Variants in ABCA10 observed in about 807,000 individuals in gnomAD.
The protein encoded by ABCA10 is ATP-binding cassette sub-family A member 10.
ABCA10 carries 169 observed loss-of-function variants against 187.5 expected under a neutral mutation model. That is an observed-to-expected ratio of 0.90 (90% CI 0.80 to 1.02). The LOEUF is 1.02. Among genes scored for constraint, ABCA10 ranks in the 50% least tolerant of loss-of-function variants. ABCA10 has a pLI of 0.00. For missense variants in ABCA10, 1,727 were observed against 1,812.4 expected (o/e 0.95, Z 0.86); for synonymous variants, 574 against 601.8 (o/e 0.95, Z 0.68).
intron 10 of ABCA10, among the ~76,000 whole-genome samples, chr17:69,199,931 C>T (rs1229325452): frequency 6.6e-6 from 1 of 152,156 alleles, no homozygotes; most frequent in Non-Finnish European, 1.5e-5. Flanking sequence ...TAAAAGTTTT[C>T]ATGCAGGAGA....
chr17:69,162,968 G>A (rs2074229463), intron 27 of ABCA10, among the ~76,000 whole-genome samples: 1 of 151,840 alleles, frequency 6.6e-6, no homozygotes, highest in Admixed American at 6.6e-5. Context: ...CTCCCGAGTA[G>A]CTGGAATTAC....
Position 69,219,741 on chromosome 17 carries a change from A to T in ABCA10, c.334T>A (p.Leu112Met). 1 of 1,604,768 alleles carries T rather than the reference A, an allele frequency of 6.2e-7. No homozygotes were observed. The highest frequency in any genetic ancestry group is 2.2e-5 in the East Asian group (1 of 44,668). The stretch of plus-strand genomic sequence containing the variant: ...ATATTTATTCCAATAACTGATGTCA[A>T]CTCCTCCATTACAGAATGATTTGTT... Reference protein sequence around the residue: ...VTTNHSVMEELTSVIGINMKI... With the variant: ...VTTNHSVMEEMTSVIGINMKI... Residue 112 changes from leucine (L) to methionine (M), a missense_variant, in exon 6 of 39, where the codon TTG becomes ATG. By Grantham distance (15) the Leu-to-Met change is conservative (BLOSUM62 2). Transcript: ENST00000690296.
intron 12 of ABCA10, 134 bp downstream of exon 12, chr17:69,194,251 A>G: frequency 1.3e-6 from 1 of 785,672 alleles, no homozygotes. Context: ...TTATGTGCAT[A>G]TGAAATCAAT....
chr17:69,187,149 T>A (rs1225377792), intron 19 of ABCA10, among the ~76,000 whole-genome samples: 1 of 151,990 alleles, frequency 6.6e-6, no homozygotes, highest in Non-Finnish European at 1.5e-5. Context: ...CCTCAGCTTG[T>A]AAGATAATAA....
At chr17:69,244,216 T>C in intron 1 of ABCA10, 1 of 152,252 alleles carries the variant, frequency 6.6e-6, no homozygotes, top group Non-Finnish European at 1.5e-5. Context: ...CTAGTTTATG[T>C]TTAAAATCTG....
At chr17:69,183,287 T>C (rs2074394229) in intron 20 of ABCA10, among the ~76,000 whole-genome samples, 1 of 152,196 alleles carries the variant, frequency 6.6e-6, no homozygotes, top group Non-Finnish European at 1.5e-5. Flanking sequence ...AACATCTTTA[T>C]GGAATTAAGT....
At chr17:69,165,227 T>C in intron 25 of ABCA10, 144 bp from the exon 26 acceptor site, 1 of 704,262 alleles carries the variant, frequency 1.4e-6, no homozygotes, top group East Asian at 2.8e-5. Flanking sequence ...GGATATCCTC[T>C]TTAGGAAGTC....
intron 9 of ABCA10, 97 bp from the exon 10 acceptor site, chr17:69,201,765 T>C: frequency 1.9e-6 from 2 of 1,040,532 alleles, no homozygotes; most frequent in Non-Finnish European, 2.6e-6. Flanking sequence ...TGAACTTAAG[T>C]TATTTATCTT....
intron 1 of ABCA10, chr17:69,234,383 T>G (rs2074850930): frequency 6.6e-6 from 1 of 152,272 alleles, no homozygotes; most frequent in Non-Finnish European, 1.5e-5. Flanking sequence ...GAGGCACTAG[T>G]GTACATGATT....
intron 5 of ABCA10, among the ~76,000 whole-genome samples, chr17:69,220,083 G>A (rs28611344): frequency 6.6e-6 from 1 of 152,122 alleles, no homozygotes; most frequent in Admixed American, 6.5e-5. Context: ...GAAGAAAGGA[G>A]AGATATTAAA....
At chr17:69,182,858 A>C in intron 20 of ABCA10, 50 bp from the exon 21 acceptor site, 1 of 1,534,052 alleles carries the variant, frequency 6.5e-7, no homozygotes, top group Non-Finnish European at 8.8e-7. Context: ...AAAGCAAGAA[A>C]ATCAAAGTCA....
chr17:69,182,294 GA>G lies in ABCA10; in HGVS notation c.2632-5del, dbSNP rs34361870. ...ACGCAACAGAAAATCTGTAATCCTT[GA>G]AAAAAAGTACACAAATATAAGTTAT... On this transcript the variant is annotated splice_polypyrimidine_tract_variant and splice_region_variant and intron_variant, in intron 21 of 38. Transcript: ENST00000690296. The G allele has an allele frequency of 2.7e-6, 4 of 1,504,094 alleles. No homozygotes were observed. Among genetic ancestry groups the G allele is most frequent in the South Asian group, 1.4e-5 (1 of 72,846 alleles). 93.2% of individuals were successfully genotyped at this position (1,504,094 alleles called of 1,614,324 possible).
intron 12 of ABCA10, 52 bp from the exon 13 acceptor site, chr17:69,194,041 G>C: frequency 6.9e-7 from 1 of 1,458,892 alleles, no homozygotes; most frequent in Non-Finnish European, 9.3e-7. Context: ...ATTCTATGCA[G>C]AGTGATAATA....
chr17:69,200,843 G>A (rs2074538365), intron 10 of ABCA10, among the ~76,000 whole-genome samples: 1 of 152,176 alleles, frequency 6.6e-6, no homozygotes, highest in African/African-American at 2.4e-5. Context: ...CTCCCCAGTA[G>A]CTGGGACTAC....
In ABCA10 at chr17:69,190,360, G is replaced by A; in HGVS notation, c.2129C>T (p.Pro710Leu). 1 of 1,540,156 alleles carries A rather than the reference G, an allele frequency of 6.5e-7. No individual in the cohort carries two copies. The highest frequency in any genetic ancestry group is 8.7e-7 in the Non-Finnish European group (1 of 1,154,436). Reference sequence around the variant, plus strand: ...CTGCTAGACACACATTTTTATACCTGGTTCATCAATTGCTGATTTTCCTTC... The same window carrying A: ...CTGCTAGACACACATTTTTATACCTAGTTCATCAATTGCTGATTTTCCTTC... ...NLEGKSAIDEPDFDIGKQEKI... is the reference protein window; with the variant it reads ...NLEGKSAIDELDFDIGKQEKI... The change falls in exon 18 of 39, where the codon CCA becomes CTA. Residue 710 changes from proline (P) to leucine (L), a missense_variant and splice_region_variant. Transcript: ENST00000690296.
chr17:69,153,882 T>A lies in ABCA10; in HGVS notation c.3914A>T (p.Tyr1305Phe). 6.2e-7 allele frequency: 1 copy of A among 1,614,184 alleles called. No individual in the cohort carries two copies. Among genetic ancestry groups the A allele is most frequent in the South Asian group, 1.1e-5 (1 of 91,080 alleles). ...TTTGCCCAGTCCTTTCACAGCTGCA[T>A]ACAACTCCAAGTGCTCTTTCATTGT... Reference protein sequence around the residue: ...KLTMKEHLELYAAVKGLGKED... With the variant: ...KLTMKEHLELFAAVKGLGKED... The change falls in exon 32 of 39, where the codon TAT becomes TTT. Residue 1305 changes from tyrosine (Y) to phenylalanine (F), a missense_variant. Transcript: ENST00000690296.
At position 69,193,963 on chromosome 17, in the gene ABCA10, G is replaced by A. The variant is rs143395978; in HGVS notation, c.1372C>T (p.Leu458Phe). 2 of 1,604,276 alleles carry A rather than the reference G, an allele frequency of 1.2e-6. No individual in the cohort carries two copies. The highest frequency in any genetic ancestry group is 2.2e-5 in the East Asian group (1 of 44,716). Reference sequence around the variant, plus strand: ...TCTTCCATGTCAGTTATTTCAGAGAGTTGAGTATTATAAATAGTGGCTGAT... The same window carrying A: ...TCTTCCATGTCAGTTATTTCAGAGAATTGAGTATTATAAATAGTGGCTGAT... ...EGSATIYNTQ[L>F]SEITDMEEIR... The change falls in exon 13 of 39, where the codon CTC becomes TTC. Residue 458 changes from leucine to phenylalanine, a missense_variant. Physicochemically the swap from Leu to Phe is conservative, Grantham distance 22. Coordinates refer to ENST00000690296, the MANE Select transcript of ABCA10 (RefSeq NM_001377321.1).
At position 69,174,257 on chromosome 17, in the gene ABCA10, G is replaced by T. The variant is rs765038616; in HGVS notation, c.3162+24C>A. The T allele has an allele frequency of 2.7e-6, 4 of 1,464,434 alleles. No individual in the cohort carries two copies. In the South Asian group the frequency reaches 5.1e-5, roughly 19 times the overall value. The allele number at this position is 1,464,434 out of a possible 1,614,324, so 90.7% of individuals were successfully genotyped here. A position where few individuals can be genotyped will look rare whatever the true frequency, so the allele number is the denominator to read the frequency against. ...AACTTCAAGGAAATTTAATATAAAT[G>T]TGCACGCATGTATATATACTTACAA... is the stretch of plus-strand genomic sequence containing the variant. On this transcript the variant is annotated intron_variant, in intron 25 of 38. Transcript: ENST00000690296.
At position 69,212,496 on chromosome 17, in the gene ABCA10, A is replaced by G. The variant is rs185337168; in HGVS notation, c.1006+2208T>C. Among the ~76,000 whole-genome samples the G allele has an allele frequency of 1.6e-4, 25 of 152,306 alleles. No homozygotes were observed. In the East Asian group the frequency reaches 4.8e-3, roughly 29 times the overall value. On this transcript the variant is annotated intron_variant, in intron 9 of 38. Transcript: ENST00000690296. ...ATTTGTTAAGTTCAGGGTATACTTT[A>G]AGACCATTGTTTCTTTGTTAACTTT...
Sources: gnomAD v4.1 joint callset for allele counts (sites outside exome capture counted in the v4.1 genomes callset) on GRCh38, gnomAD v4.1.1 for gene constraint, MANE v1.5 for transcripts, NCBI Gene and HGNC (gene_info 2026-07-23, HGNC 2026-07-21) for gene names.